Variants in TRPC4 observed in about 807,000 individuals in gnomAD.
The protein encoded by TRPC4 is transient receptor potential cation channel subfamily C member 4, also known as short transient receptor potential channel 4.
A neutral mutation model predicts 99.4 loss-of-function variants in TRPC4; 49 were observed. The ratio of observed to expected loss-of-function variants is 0.49; its 90% confidence interval spans 0.39 to 0.63. The LOEUF is 0.63. Among genes scored for constraint, TRPC4 ranks in the 20% least tolerant of loss-of-function variants. The pLI, the probability that TRPC4 is intolerant of heterozygous loss-of-function variation, is 0.00. For synonymous variants in TRPC4, 454 were observed against 425.9 expected, an observed-to-expected ratio of 1.07 and a Z score of -0.81; for missense variants, 898 against 1,152.9, an observed-to-expected ratio of 0.78 and a Z score of 3.20.
chr13:37,650,998 T>C (rs769402169), intron 8 of TRPC4, among the ~76,000 whole-genome samples: 20 of 152,166 alleles, frequency 1.3e-4, no homozygotes, highest in Non-Finnish European at 1.8e-4. Context: ...TCCCCAGCCT[T>C]GACTAGCAGA....
At chr13:37,831,605 CA>C (rs1428047537) in intron 1 of TRPC4, among the ~76,000 whole-genome samples, 3 of 151,890 alleles carry the variant, frequency 2.0e-5, no homozygotes, top group Admixed American at 6.6e-5. Flanking sequence ...GAATTATTCA[CA>C]ATAGTCAAGG....
intron 1 of TRPC4, among the ~76,000 whole-genome samples, chr13:37,861,724 T>C (rs1043018756): frequency 6.6e-6 from 1 of 151,518 alleles, no homozygotes; most frequent in Non-Finnish European, 1.5e-5. Context: ...CAAATCAAAA[T>C]GTTAAGCTGT....
intron 2 of TRPC4, among the ~76,000 whole-genome samples, chr13:37,769,361 A>G (rs1956482834): frequency 6.6e-6 from 1 of 151,352 alleles, no homozygotes; most frequent in Admixed American, 6.6e-5. Context: ...CCACACTTAC[A>G]TTGACAATAC....
At chr13:37,710,569 A>G (rs1954450541) in intron 3 of TRPC4, among the ~76,000 whole-genome samples, 1 of 151,972 alleles carries the variant, frequency 6.6e-6, no homozygotes, top group African/African-American at 2.4e-5. Context: ...ATTGGTTTTC[A>G]CATCAAAGAG....
At chr13:37,822,841 G>A (rs1225139413) in intron 1 of TRPC4, among the ~76,000 whole-genome samples, 7 of 151,612 alleles carry the variant, frequency 4.6e-5, no homozygotes, top group Admixed American at 6.6e-5. Flanking sequence ...CTGAGGAATC[G>A]CCACACTGAC....
chr13:37,725,336 C>T (rs540323352), intron 3 of TRPC4, among the ~76,000 whole-genome samples: 1 of 152,098 alleles, frequency 6.6e-6, no homozygotes, highest in South Asian at 2.1e-4. Flanking sequence ...TAATGGCCAA[C>T]ATTTCCCCAA....
chr13:37,811,541 C>T (rs1957686683), intron 1 of TRPC4, among the ~76,000 whole-genome samples: 1 of 152,136 alleles, frequency 6.6e-6, no homozygotes. Flanking sequence ...CACAGCTAGA[C>T]TTCACAGGAC....
At chr13:37,685,609 T>C (rs77829547) in intron 4 of TRPC4, among the ~76,000 whole-genome samples, 1 of 130,452 alleles carries the variant, frequency 7.7e-6, no homozygotes, top group African/African-American at 3.0e-5. Flanking sequence ...AAGAATCTCA[T>C]TTTTTTTTTT....
intron 1 of TRPC4, among the ~76,000 whole-genome samples, chr13:37,784,726 T>C (rs1342455236): frequency 6.6e-6 from 1 of 152,060 alleles, no homozygotes; most frequent in Non-Finnish European, 1.5e-5. Context: ...AAACATAAAT[T>C]ACATTAACAA....
chr13:37,659,376 A>G (rs1952355145), intron 6 of TRPC4, among the ~76,000 whole-genome samples: 1 of 152,108 alleles, frequency 6.6e-6, no homozygotes, highest in African/African-American at 2.4e-5. Context: ...AAGCTTCCTG[A>G]GGCCCTCACC....
chr13:37,763,475 T>TG (rs1048901979), intron 2 of TRPC4, among the ~76,000 whole-genome samples: 8 of 151,442 alleles, frequency 5.3e-5, no homozygotes, highest in African/African-American at 1.9e-4. Context: ...AAAAAATGAA[T>TG]GAATCCCCTA....
intron 1 of TRPC4, among the ~76,000 whole-genome samples, chr13:37,806,018 C>T (rs998649293): frequency 3.3e-5 from 5 of 151,560 alleles, no homozygotes; most frequent in Non-Finnish European, 5.9e-5. Flanking sequence ...CAAAATAAAC[C>T]CAGAGAAAGA....
intron 2 of TRPC4, among the ~76,000 whole-genome samples, chr13:37,762,780 A>G (rs1000830646): frequency 6.7e-6 from 1 of 148,498 alleles, no homozygotes; most frequent in East Asian, 2.1e-4. Flanking sequence ...TGATGAGTTA[A>G]TGGGTGCAGC....
chr13:37,660,361 T>G (rs145565895), intron 6 of TRPC4, among the ~76,000 whole-genome samples: 2 of 152,142 alleles, frequency 1.3e-5, no homozygotes, highest in Admixed American at 6.5e-5. Flanking sequence ...CCATAGTTAA[T>G]GGTGATAAGA....
chr13:37,859,913 C>T (rs572299061), intron 1 of TRPC4, among the ~76,000 whole-genome samples: 1 of 151,358 alleles, frequency 6.6e-6, no homozygotes, highest in South Asian at 2.1e-4. Flanking sequence ...GCTCCCCACC[C>T]CCACCTCCAT....
intron 4 of TRPC4, among the ~76,000 whole-genome samples, chr13:37,678,646 G>A (rs1389340136): frequency 6.6e-6 from 1 of 152,042 alleles, no homozygotes; most frequent in African/African-American, 2.4e-5. Context: ...TTCAGGTCCA[G>A]TTGATTTCAT....
At chr13:37,713,643 T>C (rs1305026986) in intron 3 of TRPC4, among the ~76,000 whole-genome samples, 1 of 152,294 alleles carries the variant, frequency 6.6e-6, no homozygotes, top group East Asian at 1.9e-4. Context: ...AGAGTAATTT[T>C]ACATAGGATC....
At chr13:37,722,915 AT>A (rs1440333268) in intron 3 of TRPC4, among the ~76,000 whole-genome samples, 38 of 152,172 alleles carry the variant, frequency 2.5e-4, no homozygotes, top group Non-Finnish European at 4.7e-4. Flanking sequence ...AAATATTTGG[AT>A]GGGGAATCAC....
intron 6 of TRPC4, among the ~76,000 whole-genome samples, chr13:37,660,010 G>A (rs971463758): frequency 3.9e-5 from 6 of 152,134 alleles, no homozygotes; most frequent in Non-Finnish European, 5.9e-5. Context: ...GCAACCCGAG[G>A]ATAGAAATTG....
Sources: gnomAD v4.1 joint callset for allele counts (sites outside exome capture counted in the v4.1 genomes callset) on GRCh38, gnomAD v4.1.1 for gene constraint, MANE v1.5 for transcripts, NCBI Gene and HGNC (gene_info 2026-07-23, HGNC 2026-07-21) for gene names.